The following MB21D2 variants were observed in gnomAD, a reference collection of about 807,000 sequenced individuals.
MB21D2 encodes nucleotidyltransferase MB21D2.
Under a neutral mutation model 33.3 loss-of-function variants are expected in MB21D2, and 9 were observed. The ratio of observed to expected loss-of-function variants is 0.27; its 90% CI spans 0.16 to 0.47. The LOEUF is 0.47. Ranked by LOEUF, MB21D2 falls within the 20% of genes least tolerant of loss-of-function variation. The pLI is 0.99. For missense variants in MB21D2, 540 were observed against 624.6 expected (o/e 0.86, Z 1.44); for synonymous variants, 241 against 236.3 (o/e 1.02, Z -0.18).
intron 1 of MB21D2, among the ~76,000 whole-genome samples, chr3:192,823,305 T>TA (rs1220221467): frequency 6.6e-6 from 1 of 152,228 alleles, no homozygotes; most frequent in Non-Finnish European, 1.5e-5. Flanking sequence ...TGACAATCTC[T>TA]ATAATGACTT....
At chr3:192,892,694 C>T (rs1453852174) in intron 1 of MB21D2, among the ~76,000 whole-genome samples, 7 of 152,094 alleles carry the variant, frequency 4.6e-5, no homozygotes, top group African/African-American at 1.2e-4. Flanking sequence ...CTGCCTGCCT[C>T]GGCCTCCCAA....
intron 1 of MB21D2, among the ~76,000 whole-genome samples, chr3:192,822,372 G>C (rs1298853585): frequency 6.6e-6 from 1 of 152,200 alleles, no homozygotes; most frequent in African/African-American, 2.4e-5. Flanking sequence ...GTTCACCTCA[G>C]ATACCAGTCT....
chr3:192,879,147 T>A (rs2108641902), intron 1 of MB21D2, among the ~76,000 whole-genome samples: 1 of 152,310 alleles, frequency 6.6e-6, no homozygotes, highest in African/African-American at 2.4e-5. Flanking sequence ...AGGGGCTGGC[T>A]AAGGCTCAAG....
intron 1 of MB21D2, among the ~76,000 whole-genome samples, chr3:192,843,265 G>A (rs1332203861): frequency 4.6e-5 from 7 of 152,178 alleles, no homozygotes; most frequent in Non-Finnish European, 1.0e-4. Flanking sequence ...AGTTAGTCCT[G>A]TCAGTGGAAC....
intron 1 of MB21D2, among the ~76,000 whole-genome samples, chr3:192,808,067 A>G (rs1457418778): frequency 6.6e-6 from 1 of 152,136 alleles, no homozygotes; most frequent in Non-Finnish European, 1.5e-5. Flanking sequence ...GCTGGAGGAA[A>G]AGAAGGCTCT....
chr3:192,834,436 AAAAG>A (rs1335033244), intron 1 of MB21D2, among the ~76,000 whole-genome samples: 2 of 151,612 alleles, frequency 1.3e-5, no homozygotes, highest in East Asian at 3.9e-4. Flanking sequence ...AAAAAAAAAA[AAAAG>A]AAGAAGAAAG....
chr3:192,839,891 G>A (rs1712530050), intron 1 of MB21D2, among the ~76,000 whole-genome samples: 2 of 150,922 alleles, frequency 1.3e-5, no homozygotes, highest in Admixed American at 1.3e-4. Context: ...AGTATGTTCA[G>A]ACTTTTTAAA....
At chr3:192,828,120 A>C (rs1712217327) in intron 1 of MB21D2, among the ~76,000 whole-genome samples, 1 of 152,088 alleles carries the variant, frequency 6.6e-6, no homozygotes, top group Non-Finnish European at 1.5e-5. Context: ...CTGTGAGTCC[A>C]TTAAACCTCT....
chr3:192,898,779 T>C (rs902034674), intron 1 of MB21D2, among the ~76,000 whole-genome samples: 1 of 152,198 alleles, frequency 6.6e-6, no homozygotes, highest in African/African-American at 2.4e-5. Flanking sequence ...AAGAAACCTG[T>C]GACGCTAGAA....
chr3:192,822,722 G>A (rs898771690), intron 1 of MB21D2, among the ~76,000 whole-genome samples: 2 of 152,136 alleles, frequency 1.3e-5, no homozygotes, highest in Non-Finnish European at 2.9e-5. Context: ...CTTTGTAACT[G>A]CACAGACCCT....
At chr3:192,845,698 T>C (rs1345851893) in intron 1 of MB21D2, among the ~76,000 whole-genome samples, 1 of 152,200 alleles carries the variant, frequency 6.6e-6, no homozygotes, top group Non-Finnish European at 1.5e-5. Flanking sequence ...CTGATCTACT[T>C]CATTTCCCTC....
At chr3:192,857,720 A>C (rs1712949428) in intron 1 of MB21D2, among the ~76,000 whole-genome samples, 1 of 152,182 alleles carries the variant, frequency 6.6e-6, no homozygotes, top group Non-Finnish European at 1.5e-5. Flanking sequence ...ATAGGGAAGA[A>C]GACTCCTCCT....
chr3:192,864,507 TTTG>T lies in MB21D2; in HGVS notation c.211+53120_211+53122del, dbSNP rs201215101. On this transcript the variant is annotated intron_variant, in intron 1 of 1. Transcript: ENST00000392452. Reference sequence around the variant, plus strand: ...ATTACAAGTGTGAACCACCGTGCTTTTTGTTGTTGTTGTTTTTTGACAGAGTTT... The same window carrying T: ...ATTACAAGTGTGAACCACCGTGCTTTTTGTTGTTGTTTTTTGACAGAGTTT... Among the ~76,000 whole-genome samples the T allele has an allele frequency of 1.2e-4, 19 of 152,174 alleles. No homozygotes were observed. The East Asian group carries it at 2.7e-3, about 22-fold the overall frequency.
chr3:192,876,763 C>A (rs1204650771), intron 1 of MB21D2, among the ~76,000 whole-genome samples: 8 of 152,146 alleles, frequency 5.3e-5, no homozygotes, highest in Non-Finnish European at 1.2e-4. Flanking sequence ...TCTCTGGCTA[C>A]AGTGCTCTTT....
intron 1 of MB21D2, among the ~76,000 whole-genome samples, chr3:192,890,137 A>C (rs2108646604): frequency 6.6e-6 from 1 of 152,198 alleles, no homozygotes; most frequent in South Asian, 2.1e-4. Flanking sequence ...TTCTGGAAAA[A>C]TATCTCCTTG....
intron 1 of MB21D2, among the ~76,000 whole-genome samples, chr3:192,808,670 T>C (rs1711717297): frequency 6.6e-6 from 1 of 152,152 alleles, no homozygotes; most frequent in African/African-American, 2.4e-5. Flanking sequence ...CCCAAGAACC[T>C]ACTACTTAAG....
At chr3:192,904,409 C>T (rs1034324629) in intron 1 of MB21D2, among the ~76,000 whole-genome samples, 1 of 152,132 alleles carries the variant, frequency 6.6e-6, no homozygotes, top group Admixed American at 6.5e-5. Flanking sequence ...GTTTTAAACC[C>T]CATGGTGTTT....
At chr3:192,905,978 C>T (rs1176127959) in intron 1 of MB21D2, among the ~76,000 whole-genome samples, 5 of 152,164 alleles carry the variant, frequency 3.3e-5, no homozygotes, top group Non-Finnish European at 7.3e-5. Flanking sequence ...ATGGTTTCTT[C>T]CTGTGTTAAA....
intron 1 of MB21D2, among the ~76,000 whole-genome samples, chr3:192,818,474 G>A (rs1160687438): frequency 6.6e-6 from 1 of 152,202 alleles, no homozygotes; most frequent in East Asian, 1.9e-4. Context: ...AATACAGCAA[G>A]TCACAGAGTT....
Sources: gnomAD v4.1 joint callset for allele counts (sites outside exome capture counted in the v4.1 genomes callset) on GRCh38, gnomAD v4.1.1 for gene constraint, MANE v1.5 for transcripts, NCBI Gene and HGNC (gene_info 2026-07-23, HGNC 2026-07-21) for gene names.